ALG11: variants seen among roughly 807,000 people sequenced by gnomAD.
ALG11 encodes the protein ALG11 alpha-1,2-mannosyltransferase, also known as GDP-Man:Man(3)GlcNAc(2)-PP-Dol alpha-1,2-mannosyltransferase.
A neutral mutation model predicts 38.8 loss-of-function variants in ALG11; 26 were observed. The ratio of observed to expected loss-of-function variants is 0.67; its 90% CI spans 0.49 to 0.93. The LOEUF (loss-of-function observed/expected upper bound fraction) is 0.93, where lower values mean the gene tolerates loss of function less well. Ranked by LOEUF, ALG11 falls within the 40% of genes least tolerant of loss-of-function variation. The pLI is 0.00. For missense variants in ALG11, 535 were observed against 578.8 expected (o/e 0.92, Z 0.78); for synonymous variants, 199 against 211.6 (o/e 0.94, Z 0.52).
In ALG11 at chr13:52,030,975, C is replaced by T; in HGVS notation, c.*2385C>T. 6.2e-7 allele frequency: 1 copy of T among 1,614,176 alleles called. No homozygotes were observed. Among genetic ancestry groups the T allele is most frequent in the East Asian group, 2.2e-5 (1 of 44,884 alleles). Reference sequence around the variant, plus strand: ...ACTACTCCCAAGGTCGTCACCAAGCCAGGCCATATCATTAAGCCCATAAAA... The same window carrying T: ...ACTACTCCCAAGGTCGTCACCAAGCTAGGCCATATCATTAAGCCCATAAAA... On this transcript the variant is annotated 3_prime_UTR_variant, in exon 4 of 4. Transcript: ENST00000521508.
intron 2 of ALG11, chr13:52,022,393 AT>A (rs1309813517): frequency 2.6e-5 from 4 of 152,156 alleles, no homozygotes; most frequent in African/African-American, 9.7e-5. Flanking sequence ...GAAAAAACAA[AT>A]GGAATTTGTG....
In ALG11 at chr13:52,028,669, T is replaced by C. The variant is rs1256272772; in HGVS notation, c.*79T>C. The C allele has an allele frequency of 1.6e-5, 25 of 1,557,274 alleles. No homozygotes were observed. Among genetic ancestry groups the C allele is most frequent in the Non-Finnish European group, 2.2e-5 (25 of 1,140,026 alleles). On this transcript the variant is annotated 3_prime_UTR_variant, in exon 4 of 4. Coordinates refer to ENST00000521508, the MANE Select transcript of ALG11 (RefSeq NM_001004127.3). Reference sequence around the variant, plus strand: ...TATGTAAATATTTTTCTAAATTCAATCTCATTTGTCAAATCATTTTACTTT... The same window carrying C: ...TATGTAAATATTTTTCTAAATTCAACCTCATTTGTCAAATCATTTTACTTT...
At chr13:52,013,355 C>A (rs1566695649) in intron 1 of ALG11, among the ~76,000 whole-genome samples, 1 of 152,120 alleles carries the variant, frequency 6.6e-6, no homozygotes, top group Non-Finnish European at 1.5e-5. Flanking sequence ...CGTTTTTGTC[C>A]ACTCTACTTC....
chr13:52,019,588 TTTC>T (rs539316437), intron 2 of ALG11, among the ~76,000 whole-genome samples: 1 of 152,220 alleles, frequency 6.6e-6, no homozygotes, highest in South Asian at 2.1e-4. Flanking sequence ...TAAGAAAATA[TTTC>T]TTTCATGTGC....
intron 3 of ALG11, among the ~76,000 whole-genome samples, chr13:52,027,377 T>G (rs753122883): frequency 2.6e-5 from 4 of 152,074 alleles, no homozygotes; most frequent in Non-Finnish European, 5.9e-5. Context: ...AAGATGCAGG[T>G]CTCTGAGAAA....
intron 1 of ALG11, among the ~76,000 whole-genome samples, chr13:52,018,479 A>G (rs190179442): frequency 3.9e-5 from 6 of 152,360 alleles, no homozygotes; most frequent in South Asian, 2.1e-4. Context: ...AAGATTTACT[A>G]TCTTACCAGA....
intron 3 of ALG11, 86 bp from the exon 4 acceptor site, chr13:52,028,233 A>G (rs1275305062): frequency 6.5e-7 from 1 of 1,541,950 alleles, no homozygotes; most frequent in Non-Finnish European, 8.9e-7. Flanking sequence ...AGTCCCTTAA[A>G]TTTTTTGAAG....
At chr13:52,026,010 A>G (rs1338450833) in intron 3 of ALG11, among the ~76,000 whole-genome samples, 2 of 152,328 alleles carry the variant, frequency 1.3e-5, no homozygotes, top group Middle Eastern at 3.4e-3. Flanking sequence ...GATGTGGTGG[A>G]GACAGGAGCT....
intron 2 of ALG11, among the ~76,000 whole-genome samples, chr13:52,019,448 G>C (rs1043378231): frequency 1.3e-5 from 2 of 151,976 alleles, no homozygotes; most frequent in Admixed American, 6.6e-5. Flanking sequence ...GTCTCGATCT[G>C]CTGACCTTGT....
chr13:52,020,698 AC>A (rs1272274472), intron 2 of ALG11: 9 of 152,188 alleles, frequency 5.9e-5, no homozygotes, highest in African/African-American at 1.9e-4. Flanking sequence ...CATTAATATG[AC>A]TTGGAAGATA....
intron 2 of ALG11, chr13:52,023,075 A>G (rs1273719501): frequency 6.6e-6 from 1 of 152,260 alleles, no homozygotes; most frequent in African/African-American, 2.4e-5. Flanking sequence ...TCTAATTGTG[A>G]TATAGGCACA....
At chr13:52,025,052 A>G in intron 3 of ALG11, 115 bp downstream of exon 3, 3 of 1,183,510 alleles carry the variant, frequency 2.5e-6, no homozygotes, top group Non-Finnish European at 3.7e-6. Context: ...TCTTGCCCTC[A>G]TCCACCAAAT....
At position 52,030,799 on chromosome 13, in the gene ALG11, T is replaced by C; in HGVS notation, c.*2209T>C. ...CAAGAAAAGATAAGAATTTGCCAAA[T>C]GTGATTATCAGTGAGAAGCGCAACA... On this transcript the variant is annotated 3_prime_UTR_variant, in exon 4 of 4. Coordinates refer to ENST00000521508, the MANE Select transcript of ALG11 (RefSeq NM_001004127.3). 4.3e-6 allele frequency: 7 copies of C among 1,614,080 alleles called. No homozygotes were observed. The highest frequency in any genetic ancestry group is 5.9e-6 in the Non-Finnish European group (7 of 1,180,004).
Position 52,031,029 on chromosome 13 carries a change from C to G in ALG11, c.*2439C>G, listed in dbSNP as rs1344900402. Reference sequence around the variant, plus strand: ...GAGGATGTGGGCTACCAGTCTTCCTCAAGGTCAGACCTGCCTGTCATACAG... The same window carrying G: ...GAGGATGTGGGCTACCAGTCTTCCTGAAGGTCAGACCTGCCTGTCATACAG... On this transcript the variant is annotated 3_prime_UTR_variant, in exon 4 of 4. Coordinates refer to ENST00000521508, the MANE Select transcript of ALG11 (RefSeq NM_001004127.3). 1 of 1,614,174 alleles carries G rather than the reference C, an allele frequency of 6.2e-7. No homozygotes were observed. The highest frequency in any genetic ancestry group is 1.7e-5 in the Admixed American group (1 of 60,028).
At chr13:52,017,747 A>C (rs1954146420) in intron 1 of ALG11, 1 of 153,492 alleles carries the variant, frequency 6.5e-6, no homozygotes, top group African/African-American at 2.4e-5. Flanking sequence ...AGCAGTGTGA[A>C]AACGAAGTAA....
In ALG11 at chr13:52,030,017, A is replaced by C. The variant is rs941883374; in HGVS notation, c.*1427A>C. On this transcript the variant is annotated 3_prime_UTR_variant, in exon 4 of 4. Transcript: ENST00000521508. ...GCTTGCAGCTCATGAGGTTTCTGCA[A>C]GTGAGGCAGAAGAAAGACCAGTGGC... is the stretch of plus-strand genomic sequence containing the variant. The C allele has an allele frequency of 1.2e-6, 2 of 1,614,118 alleles. No homozygotes were observed. The highest frequency in any genetic ancestry group is 8.5e-7 in the Non-Finnish European group (1 of 1,180,048).
Position 52,024,386 on chromosome 13 carries a change from A to C in ALG11, c.656A>C (p.Asn219Thr), listed in dbSNP as rs1385659145. 1 of 1,613,764 alleles carries C rather than the reference A, an allele frequency of 6.2e-7. No homozygotes were observed. The highest frequency in any genetic ancestry group is 8.5e-7 in the Non-Finnish European group (1 of 1,179,728). The change falls in exon 3 of 4, where the codon AAT (asparagine) becomes ACT (threonine). Residue 219 changes from asparagine (N) to threonine (T), a missense_variant. Asn to Thr is a moderately conservative substitution (Grantham distance 65). Transcript: ENST00000521508. ...AAGAATCAAAATATTGGATTTAATA[A>C]TGCAGCCTTCATTACCAGGAATCCT... Reference protein sequence around the residue: ...VVKNQNIGFNNAAFITRNPFL... With the variant: ...VVKNQNIGFNTAAFITRNPFL...
chr13:52,020,242 C>T (rs1221486026), intron 2 of ALG11, among the ~76,000 whole-genome samples: 2 of 152,084 alleles, frequency 1.3e-5, no homozygotes, highest in African/African-American at 2.4e-5. Flanking sequence ...TTTGAGGCTT[C>T]GTCATCACCA....
rs1954213390 is a variant in ALG11 at position 52,024,121 on chromosome 13, G to T, written c.391G>T (p.Val131Phe). 6.2e-7 allele frequency: 1 copy of T among 1,613,946 alleles called. No homozygotes were observed. Among genetic ancestry groups the T allele is most frequent in the African/African-American group, 1.3e-5 (1 of 74,974 alleles). The change falls in exon 3 of 4, where the codon GTT becomes TTT. Residue 131 changes from valine to phenylalanine, a missense_variant. By Grantham distance (50) the Val-to-Phe change is conservative. Transcript: ENST00000521508. The part of the protein sequence containing the change: ...NIRLIHPVQF[V>F]FLRKRYLVED... ...CAGATTAATTCACCCAGTGCAGTTT[G>T]TTTTTTTAAGGAAACGCTATCTTGT...
Sources: allele counts gnomAD v4.1 joint callset (sites outside exome capture counted in the v4.1 genomes callset), GRCh38; gene constraint gnomAD v4.1.1; transcripts MANE v1.5; gene names NCBI Gene and HGNC (gene_info 2026-07-23, HGNC 2026-07-21).